TCERG1: variants seen among roughly 807,000 people sequenced by gnomAD.
TCERG1 encodes the protein transcription elongation regulator 1.
A neutral mutation model predicts 144.7 loss-of-function variants in TCERG1; 37 were observed. The ratio of observed to expected loss-of-function variants is 0.26; its 90% CI spans 0.20 to 0.34. TCERG1 has a LOEUF of 0.34. TCERG1 is among the 10% of genes least tolerant of loss of function. The probability of loss-of-function intolerance (pLI) is 1.00; values close to 1 mark genes in which losing one functional copy is unlikely to be tolerated. For synonymous variants in TCERG1, 492 were observed against 458.2 expected (o/e 1.07, Z -0.94); for missense variants, 1,027 against 1,380.7 (o/e 0.74, Z 4.06).
intron 9 of TCERG1, among the ~76,000 whole-genome samples, chr5:146,472,104 A>G (rs191582376): frequency 6.6e-6 from 1 of 152,354 alleles, no homozygotes; most frequent in African/African-American, 2.4e-5. Flanking sequence ...CTTCATAATT[A>G]TAGACATGAC....
chr5:146,462,813 T>A (rs950093827), intron 4 of TCERG1, among the ~76,000 whole-genome samples: 2 of 152,216 alleles, frequency 1.3e-5, no homozygotes, highest in Admixed American at 6.5e-5. Flanking sequence ...TAGTTTGCTA[T>A]ATACCCATTT....
chr5:146,471,416 G>A lies in TCERG1; in HGVS notation c.1513-72G>A, dbSNP rs570135848. 5.6e-4 allele frequency: 768 copies of A among 1,376,780 alleles called. 4 individuals carry two copies. The highest frequency in any genetic ancestry group is 7.9e-4 in the Middle Eastern group (4 of 5,056). 85.3% of individuals were successfully genotyped at this position (1,376,780 alleles called of 1,614,324 possible). A position where few individuals can be genotyped will look rare whatever the true frequency, so the allele number is the denominator to read the frequency against. ...GTGTTGATTGCACTTTGAGCTGTTT[G>A]CCTTCATGTTTTTGTGGAACATTCA... On this transcript the variant is annotated intron_variant, in intron 8 of 22. Coordinates refer to ENST00000679501, the MANE Select transcript of TCERG1 (RefSeq NM_001382548.1).
At chr5:146,509,371 C>A in intron 22 of TCERG1, 126 bp downstream of exon 22, 1 of 611,602 alleles carries the variant, frequency 1.6e-6, no homozygotes, top group Non-Finnish European at 2.8e-6. Context: ...AAGAAGATAC[C>A]AACTTCTGTC....
At position 146,455,298 on chromosome 5, in the gene TCERG1, T is replaced by A. The variant is rs770202922; in HGVS notation, c.285+17T>A. 1 of 1,611,728 alleles carries A rather than the reference T, an allele frequency of 6.2e-7. No individual in the cohort carries two copies. The highest frequency in any genetic ancestry group is 1.3e-5 in the African/African-American group (1 of 74,834). ...CACCTCCAGGTAAAGAATGTAGAGG[T>A]TGCCATTTCTTTGTTGGCATCATTA... On this transcript the variant is annotated intron_variant, in intron 2 of 22. Transcript: ENST00000679501.
intron 17 of TCERG1, among the ~76,000 whole-genome samples, chr5:146,501,888 T>G (rs886809928): frequency 5.9e-5 from 1 of 16,902 alleles, no homozygotes; most frequent in Non-Finnish European, 1.9e-4. Flanking sequence ...TCAACTTCAC[T>G]TTTTTTTTTT....
chr5:146,463,641 C>G lies in TCERG1; in HGVS notation c.983C>G (p.Pro328Arg). ...TCAACTCCTGCTCCTACAGCCACAC[C>G]TGTGCAAACCGTTCCCCAGCCGCAC... is the stretch of plus-strand genomic sequence containing the variant. ...SVSTPAPTATPVQTVPQPHPQ... is the reference protein window; with the variant it reads ...SVSTPAPTATRVQTVPQPHPQ... Residue 328 changes from proline to arginine, a missense_variant, in exon 5 of 23, where the codon CCT (proline) becomes CGT (arginine). By Grantham distance (103) the Pro-to-Arg change is moderately radical. This residue lies in a region of TCERG1 where 187 missense variants were observed against 169.1 expected (regional missense o/e 1.11). Transcript: ENST00000679501. The G allele has an allele frequency of 1.9e-6, 3 of 1,614,206 alleles. No individual in the cohort carries two copies. The South Asian group carries it at 3.3e-5, about 18-fold the overall frequency.
chr5:146,453,109 G>A (rs1175027962), intron 1 of TCERG1, among the ~76,000 whole-genome samples: 3 of 152,110 alleles, frequency 2.0e-5, no homozygotes, highest in Admixed American at 2.0e-4. Flanking sequence ...AAGCACTTGG[G>A]GGAAGAGATA....
At chr5:146,510,333 A>G (rs1273131812) in intron 22 of TCERG1, 108 bp from the exon 23 acceptor site, 2 of 945,118 alleles carry the variant, frequency 2.1e-6, no homozygotes, top group East Asian at 2.7e-5. Context: ...AAAAAAAAAA[A>G]AAAAAAAATG....
At position 146,466,892 on chromosome 5, in the gene TCERG1, C is replaced by T. The variant is rs146421022; in HGVS notation, c.1136-1449C>T. Reference sequence around the variant, plus strand: ...GAGAACAGTCTTTGAGAGTAAAGTTCGTATATTCATAAGAATTGAATTTCC... The same window carrying T: ...GAGAACAGTCTTTGAGAGTAAAGTTTGTATATTCATAAGAATTGAATTTCC... On this transcript the variant is annotated intron_variant, in intron 5 of 22. Transcript: ENST00000679501. Among the ~76,000 whole-genome samples, 11 of 152,264 alleles carry T rather than the reference C, an allele frequency of 7.2e-5. No homozygotes were observed. The East Asian group carries it at 1.2e-3, about 16-fold the overall frequency.
At chr5:146,460,141 G>A (rs1039896138) in intron 4 of TCERG1, among the ~76,000 whole-genome samples, 3 of 152,162 alleles carry the variant, frequency 2.0e-5, no homozygotes, top group African/African-American at 7.2e-5. Context: ...TGCCATAGAA[G>A]GGAGCAGTCA....
Position 146,504,275 on chromosome 5 carries a change from A to T in TCERG1, c.2781+269A>T, listed in dbSNP as rs147831564. ...ACTTTATTATTTATTGTTCTTGATG[A>T]AAGTCATTGTAAACTATTACACACT... On this transcript the variant is annotated intron_variant, in intron 19 of 22. Transcript: ENST00000679501. 480 of 278,946 alleles carry T rather than the reference A, an allele frequency of 1.7e-3. 2 individuals carry two copies. Among genetic ancestry groups the T allele is most frequent in the African/African-American group, 9.5e-3 (438 of 46,126 alleles). The allele number at this position is 278,946 out of a possible 1,614,324, so 17.3% of individuals were successfully genotyped here.
intron 1 of TCERG1, among the ~76,000 whole-genome samples, chr5:146,452,765 T>G (rs1762470934): frequency 6.6e-6 from 1 of 152,138 alleles, no homozygotes; most frequent in Non-Finnish European, 1.5e-5. Flanking sequence ...AATTTTTTTG[T>G]ATTTTTAGTA....
intron 15 of TCERG1, among the ~76,000 whole-genome samples, chr5:146,484,723 AATTAGCCT>A (rs1467283353): frequency 2.0e-5 from 3 of 152,124 alleles, no homozygotes; most frequent in Non-Finnish European, 4.4e-5. Context: ...AAAATTTATA[AATTAGCCT>A]TGATTCCTTA....
intron 15 of TCERG1, among the ~76,000 whole-genome samples, chr5:146,487,485 G>A (rs559499855): frequency 2.0e-5 from 3 of 152,202 alleles, no homozygotes; most frequent in Admixed American, 2.0e-4. Flanking sequence ...GGTGGCTCAC[G>A]CCTGTAATCC....
At chr5:146,447,891 C>T (rs1473078961) in intron 1 of TCERG1, among the ~76,000 whole-genome samples, 1 of 152,258 alleles carries the variant, frequency 6.6e-6, no homozygotes, top group Non-Finnish European at 1.5e-5. Flanking sequence ...CCCACGTTTG[C>T]CCTTTCATTT....
intron 9 of TCERG1, among the ~76,000 whole-genome samples, chr5:146,475,259 G>A (rs183205468): frequency 3.3e-4 from 50 of 152,312 alleles, no homozygotes; most frequent in Admixed American, 1.6e-3. Flanking sequence ...ATTTCCTACA[G>A]ACAGGCAAGC....
chr5:146,509,044 T>C, intron 21 of TCERG1, 101 bp from the exon 22 acceptor site: 2 of 524,334 alleles, frequency 3.8e-6, no homozygotes, highest in Non-Finnish European at 6.3e-6. Flanking sequence ...TTAAATTTTA[T>C]TATGTGACTT....
At chr5:146,476,612 T>A (rs1050294344) in intron 9 of TCERG1, among the ~76,000 whole-genome samples, 10 of 152,192 alleles carry the variant, frequency 6.6e-5, no homozygotes, top group Non-Finnish European at 1.3e-4. Context: ...CAGTCTGTAT[T>A]CCAAGAATAT....
At position 146,455,085 on chromosome 5, in the gene TCERG1, G is replaced by A. The variant is rs369012572; in HGVS notation, c.89G>A (p.Arg30Gln). 1.2e-6 allele frequency: 2 copies of A among 1,614,240 alleles called. No individual in the cohort carries two copies. The highest frequency in any genetic ancestry group is 1.1e-5 in the South Asian group (1 of 91,090). The change falls in exon 2 of 23, where the codon CGA becomes CAA. Residue 30 changes from arginine (R) to glutamine (Q), a missense_variant. By Grantham distance (43) the Arg-to-Gln change is conservative. Coordinates refer to ENST00000679501, the MANE Select transcript of TCERG1 (RefSeq NM_001382548.1). ...GCCCAACAGCAGGCCTTGAGGTTCC[G>A]AGGTCCGGCTCCCCCACCAAATGCA... is the stretch of plus-strand genomic sequence containing the variant. ...RMAQQQALRF[R>Q]GPAPPPNAVM...
Sources: allele counts gnomAD v4.1 joint callset (sites outside exome capture counted in the v4.1 genomes callset), GRCh38; gene constraint gnomAD v4.1.1; regional missense constraint gnomAD v4.1.1; transcripts MANE v1.5; gene names NCBI Gene and HGNC (gene_info 2026-07-23, HGNC 2026-07-21).